SUMF1: variants seen among roughly 807,000 people sequenced by gnomAD.
The protein encoded by SUMF1 is sulfatase modifying factor 1.
In SUMF1, 48 loss-of-function variants were observed where a neutral mutation model predicts 47.6. The observed-to-expected ratio is 1.01, with a 90% CI of 0.80 to 1.28. SUMF1 has a LOEUF of 1.28. SUMF1 is among the 50% of genes most tolerant of loss of function. The probability of loss-of-function intolerance (pLI) is 0.00; values close to 1 mark genes in which losing one functional copy is unlikely to be tolerated. For synonymous variants in SUMF1, 230 were observed against 192.1 expected, an observed-to-expected ratio of 1.20 and a Z score of -1.63; for missense variants, 571 against 485.4, an observed-to-expected ratio of 1.18 and a Z score of -1.66.
At chr3:4,103,237 TAA>T (rs112322696) in intron 8 of SUMF1, among the ~76,000 whole-genome samples, 1 of 141,010 alleles carries the variant, frequency 7.1e-6, no homozygotes, top group Non-Finnish European at 1.6e-5. Context: ...CTTTTAAGCA[TAA>T]AAAAAAAAAG....
intron 6 of SUMF1, among the ~76,000 whole-genome samples, chr3:4,413,011 C>T (rs1443142159): frequency 6.6e-6 from 1 of 151,834 alleles, no homozygotes; most frequent in Non-Finnish European, 1.5e-5. Flanking sequence ...TGCATCAATA[C>T]TATTTTTTTT....
chr3:4,200,174 ATTT>A (rs35851983), intron 8 of SUMF1, among the ~76,000 whole-genome samples: 8 of 125,884 alleles, frequency 6.4e-5, no homozygotes, highest in East Asian at 2.3e-4. Flanking sequence ...AAGCATCAAG[ATTT>A]TTTTTTTTTT....
At chr3:4,364,841 T>G (rs1284751509) in intron 8 of SUMF1, among the ~76,000 whole-genome samples, 1 of 151,824 alleles carries the variant, frequency 6.6e-6, no homozygotes, top group Admixed American at 6.6e-5. Context: ...GGATCTTTCC[T>G]GCTTTCTCTT....
At chr3:4,209,424 C>A (rs1013283289) in intron 8 of SUMF1, among the ~76,000 whole-genome samples, 1 of 152,114 alleles carries the variant, frequency 6.6e-6, no homozygotes, top group Non-Finnish European at 1.5e-5. Flanking sequence ...AAGTTGCAGT[C>A]TCCTCATTGT....
chr3:4,109,742 C>T (rs1693247981), intron 8 of SUMF1, among the ~76,000 whole-genome samples: 1 of 152,106 alleles, frequency 6.6e-6, no homozygotes, highest in Non-Finnish European at 1.5e-5. Context: ...GTGCATTTGT[C>T]ACGTAGTTCT....
chr3:4,071,128 A>G (rs1172502961), intron 8 of SUMF1, among the ~76,000 whole-genome samples: 1 of 152,150 alleles, frequency 6.6e-6, no homozygotes, highest in Non-Finnish European at 1.5e-5. Flanking sequence ...GTGATTCTAC[A>G]TACAAGCTTA....
chr3:4,130,504 T>C (rs974019386), intron 8 of SUMF1, among the ~76,000 whole-genome samples: 2 of 152,174 alleles, frequency 1.3e-5, no homozygotes, highest in African/African-American at 4.8e-5. Flanking sequence ...ACTGATGACA[T>C]TATGCTGATT....
At chr3:4,287,886 T>C (rs1697665242) in intron 8 of SUMF1, among the ~76,000 whole-genome samples, 2 of 152,326 alleles carry the variant, frequency 1.3e-5, no homozygotes, top group Admixed American at 6.5e-5. Flanking sequence ...AATCTTCCAA[T>C]ATAGGGAAAT....
At chr3:4,169,627 C>T (rs1434242694) in intron 8 of SUMF1, among the ~76,000 whole-genome samples, 2 of 152,130 alleles carry the variant, frequency 1.3e-5, no homozygotes, top group South Asian at 2.1e-4. Flanking sequence ...AGTTTGCGTA[C>T]CTTTTTACTG....
intron 1 of SUMF1, among the ~76,000 whole-genome samples, chr3:4,457,038 G>GTATATATATATATGTGTGTGTGTATA (rs1313561547): frequency 9.2e-6 from 1 of 109,212 alleles, no homozygotes; most frequent in Admixed American, 9.8e-5. Flanking sequence ...ACGTGTGTGT[G>GTATATATATATATGTGTGTGTGTATA]TATATATATA....
intron 8 of SUMF1, among the ~76,000 whole-genome samples, chr3:4,286,945 T>A (rs1697644448): frequency 6.6e-6 from 1 of 152,202 alleles, no homozygotes; most frequent in Non-Finnish European, 1.5e-5. Flanking sequence ...TCTCAAAGTG[T>A]GGTCCAGGGA....
intron 8 of SUMF1, among the ~76,000 whole-genome samples, chr3:4,123,716 C>T (rs1693595366): frequency 6.6e-6 from 1 of 152,120 alleles, no homozygotes; most frequent in Non-Finnish European, 1.5e-5. Flanking sequence ...TCTAACATTC[C>T]ATACAATCAT....
intron 8 of SUMF1, among the ~76,000 whole-genome samples, chr3:4,235,203 T>A (rs1252971446): frequency 6.6e-6 from 1 of 152,134 alleles, no homozygotes; most frequent in African/African-American, 2.4e-5. Flanking sequence ...CAGAACTTTA[T>A]GACTGGCTGG....
At chr3:4,070,276 C>T (rs1391730209) in intron 8 of SUMF1, among the ~76,000 whole-genome samples, 1 of 152,156 alleles carries the variant, frequency 6.6e-6, no homozygotes, top group African/African-American at 2.4e-5. Flanking sequence ...ACCTTGGGTA[C>T]ATGTTCTCAG....
At chr3:4,419,125 C>T (rs928918389) in intron 4 of SUMF1, among the ~76,000 whole-genome samples, 1 of 152,208 alleles carries the variant, frequency 6.6e-6, no homozygotes, top group Admixed American at 6.5e-5. Context: ...ATACATTCCC[C>T]TTTTGGGTTT....
At position 4,417,165 on chromosome 3, in the gene SUMF1, G is replaced by C. The variant is rs774110518; in HGVS notation, c.803C>G (p.Thr268Ser). ...TTGGAAGCCATCCTCACCAGTGTTG[G>C]TCACCGGAAACTCGCCCTGCCAAAT... ...ANIWQGEFPV[T>S]NTGEDGFQGT... The change falls in exon 6 of 9, where the codon ACC becomes AGC. Residue 268 changes from threonine (T) to serine (S), a missense_variant. Coordinates refer to ENST00000272902, the MANE Select transcript of SUMF1 (RefSeq NM_182760.4). 6.2e-7 allele frequency: 1 copy of C among 1,613,930 alleles called. No individual in the cohort carries two copies. The highest frequency in any genetic ancestry group is 8.5e-7 in the Non-Finnish European group (1 of 1,179,908).
At chr3:4,166,915 G>A (rs1351071333) in intron 8 of SUMF1, among the ~76,000 whole-genome samples, 1 of 152,086 alleles carries the variant, frequency 6.6e-6, no homozygotes, top group African/African-American at 2.4e-5. Flanking sequence ...CAGAAAGGCT[G>A]ACACCCATGT....
intron 8 of SUMF1, among the ~76,000 whole-genome samples, chr3:4,188,479 T>A (rs145771419): frequency 6.6e-6 from 1 of 152,284 alleles, no homozygotes; most frequent in Non-Finnish European, 1.5e-5. Flanking sequence ...CAATCCATGA[T>A]GAAACGTTTT....
intron 1 of SUMF1, among the ~76,000 whole-genome samples, chr3:4,466,143 G>A (rs376247778): frequency 7.0e-5 from 10 of 143,676 alleles, no homozygotes; most frequent in African/African-American, 2.1e-4. Flanking sequence ...ACGGAGTCTC[G>A]CCCTGTCGCC....
Sources: gnomAD v4.1 joint callset for allele counts (sites outside exome capture counted in the v4.1 genomes callset) on GRCh38, gnomAD v4.1.1 for gene constraint, MANE v1.5 for transcripts, NCBI Gene and HGNC (gene_info 2026-07-23, HGNC 2026-07-21) for gene names.